DLGAP1: variants seen among roughly 807,000 people sequenced by gnomAD.
DLGAP1 encodes disks large-associated protein 1.
In DLGAP1, 11 loss-of-function variants were observed where a neutral mutation model predicts 90.8. The observed-to-expected ratio is 0.12, with a 90% CI of 0.08 to 0.20. The LOEUF (loss-of-function observed/expected upper bound fraction) is 0.20. Ranked by LOEUF, DLGAP1 falls within the 10% of genes least tolerant of loss-of-function variation. DLGAP1 has a pLI of 1.00. For synonymous variants in DLGAP1, 558 were observed against 540.7 expected (o/e 1.03, Z -0.44); for missense variants, 1,050 against 1,333.8 (o/e 0.79, Z 3.31).
At chr18:4,442,638 C>T (rs1221102675) in intron 1 of DLGAP1, among the ~76,000 whole-genome samples, 1 of 152,082 alleles carries the variant, frequency 6.6e-6, no homozygotes, top group East Asian at 1.9e-4. Flanking sequence ...AGCTTCACAC[C>T]TCTTTTCAAA....
At chr18:3,846,268 T>A (rs1321484640) in intron 4 of DLGAP1, among the ~76,000 whole-genome samples, 1 of 152,164 alleles carries the variant, frequency 6.6e-6, no homozygotes, top group Non-Finnish European at 1.5e-5. Flanking sequence ...AGCAAAGACT[T>A]ACACCTTTCC....
At chr18:4,375,117 G>A (rs1234517680) in intron 1 of DLGAP1, among the ~76,000 whole-genome samples, 2 of 152,032 alleles carry the variant, frequency 1.3e-5, no homozygotes, top group East Asian at 1.9e-4. Flanking sequence ...CTATGATTGC[G>A]ATCTCTTCTT....
chr18:3,567,656 G>A, intron 8 of DLGAP1, 75 bp from the exon 9 acceptor site: 1 of 1,308,728 alleles, frequency 7.6e-7, no homozygotes, highest in Non-Finnish European at 1.1e-6. Flanking sequence ...CACATTTTAT[G>A]AGAAAAATCT....
intron 3 of DLGAP1, among the ~76,000 whole-genome samples, chr18:3,982,059 T>C (rs186093648): frequency 5.9e-5 from 9 of 151,666 alleles, no homozygotes; most frequent in Admixed American, 5.9e-4. Flanking sequence ...TGGTCAGAAA[T>C]AATAGGAAGA....
chr18:3,976,118 G>A (rs538819796), intron 3 of DLGAP1, among the ~76,000 whole-genome samples: 119 of 151,648 alleles, frequency 7.8e-4, no homozygotes, highest in African/African-American at 2.7e-3. Context: ...AGGCTGAGGT[G>A]GTTGGATCAC....
chr18:4,072,865 C>T (rs997724204), intron 2 of DLGAP1, among the ~76,000 whole-genome samples: 4 of 152,174 alleles, frequency 2.6e-5, no homozygotes, highest in Admixed American at 2.6e-4. Context: ...ATTATTATTA[C>T]ACCTTGATTT....
intron 2 of DLGAP1, among the ~76,000 whole-genome samples, chr18:4,062,822 C>A (rs76736885): frequency 0.075 from 11,360 of 151,704 alleles, 682 homozygotes; most frequent in African/African-American, 0.17. Flanking sequence ...TTTTTCCCTG[C>A]AATTTAGACT....
chr18:4,238,167 CCTCT>C (rs2078458003), intron 1 of DLGAP1, among the ~76,000 whole-genome samples: 1 of 152,144 alleles, frequency 6.6e-6, no homozygotes, highest in Admixed American at 6.5e-5. Context: ...AGGTAGGCTT[CCTCT>C]CTGTTTCATC....
At chr18:4,116,754 T>C (rs1200426121) in intron 2 of DLGAP1, among the ~76,000 whole-genome samples, 3 of 152,248 alleles carry the variant, frequency 2.0e-5, no homozygotes, top group Non-Finnish European at 4.4e-5. Context: ...ATTGTTATCA[T>C]ACATTTTCTT....
intron 1 of DLGAP1, among the ~76,000 whole-genome samples, chr18:4,285,303 T>A (rs1276979173): frequency 6.6e-6 from 1 of 152,172 alleles, no homozygotes; most frequent in Non-Finnish European, 1.5e-5. Context: ...CCCAGAGATA[T>A]CTTTCTATCT....
intron 3 of DLGAP1, among the ~76,000 whole-genome samples, chr18:3,893,166 G>GA (rs1429384544): frequency 6.6e-6 from 1 of 151,878 alleles, no homozygotes; most frequent in Non-Finnish European, 1.5e-5. Flanking sequence ...TTCTTTTTCT[G>GA]AGTTATTTCA....
intron 7 of DLGAP1, among the ~76,000 whole-genome samples, chr18:3,683,496 T>G (rs55861086): frequency 3.3e-5 from 5 of 152,188 alleles, no homozygotes; most frequent in African/African-American, 4.8e-5. Flanking sequence ...ACTTTTTTTT[T>G]AAAATCTCTA....
chr18:4,166,099 C>T (rs1457524485), intron 1 of DLGAP1, among the ~76,000 whole-genome samples: 1 of 152,118 alleles, frequency 6.6e-6, no homozygotes, highest in Non-Finnish European at 1.5e-5. Flanking sequence ...TTTGAGGTTG[C>T]AGTGAGCTAT....
chr18:4,221,364 C>A (rs1361223352), intron 1 of DLGAP1, among the ~76,000 whole-genome samples: 1 of 152,078 alleles, frequency 6.6e-6, no homozygotes, highest in African/African-American at 2.4e-5. Flanking sequence ...ATCAAAAGAG[C>A]TCTCTGTACA....
At chr18:4,302,140 T>C (rs1023442624) in intron 1 of DLGAP1, among the ~76,000 whole-genome samples, 1 of 152,216 alleles carries the variant, frequency 6.6e-6, no homozygotes, top group Non-Finnish European at 1.5e-5. Context: ...GCTGTTTAGT[T>C]TGATGCAGTC....
At chr18:4,121,071 G>A (rs775929265) in intron 2 of DLGAP1, among the ~76,000 whole-genome samples, 6 of 152,150 alleles carry the variant, frequency 3.9e-5, no homozygotes, top group East Asian at 1.9e-4. Flanking sequence ...ACTGGTTCAC[G>A]TGACAGAACT....
chr18:4,006,433 A>G (rs2074301503), intron 2 of DLGAP1, among the ~76,000 whole-genome samples: 1 of 152,210 alleles, frequency 6.6e-6, no homozygotes, highest in East Asian at 1.9e-4. Context: ...CTTGTCCCCA[A>G]GAAAACTACC....
chr18:3,629,933 C>T (rs2058463072), intron 7 of DLGAP1, among the ~76,000 whole-genome samples: 1 of 152,132 alleles, frequency 6.6e-6, no homozygotes, highest in Admixed American at 6.5e-5. Context: ...ACTTCCCCTA[C>T]CCCCATATCA....
chr18:3,711,333 C>T lies in DLGAP1; in HGVS notation c.1591+17802G>A, dbSNP rs1356719674. On this transcript the variant is annotated intron_variant, in intron 7 of 12. Coordinates refer to ENST00000315677, the MANE Select transcript of DLGAP1 (RefSeq NM_004746.4). This position sits in a 1 kb window ranked among gnomAD's most constrained non-coding sequence, Gnocchi z 4.0. ...CATGCAAGTGAATCAGATCATATCA[C>T]TATGAATGATAAAAATTGTGTTAAA... Among the ~76,000 whole-genome samples the T allele has an allele frequency of 6.6e-6, 1 of 152,196 alleles. No homozygotes were observed. Among genetic ancestry groups the T allele is most frequent in the African/African-American group, 2.4e-5 (1 of 41,442 alleles).
Sources: allele counts gnomAD v4.1 joint callset (sites outside exome capture counted in the v4.1 genomes callset), GRCh38; gene constraint gnomAD v4.1.1; non-coding constraint Gnocchi (gnomAD v3.1); transcripts MANE v1.5; gene names NCBI Gene and HGNC (gene_info 2026-07-23, HGNC 2026-07-21).